RGS6: variants seen among roughly 807,000 people sequenced by gnomAD.
RGS6 encodes the protein regulator of G protein signaling 6.
A neutral mutation model predicts 78.5 loss-of-function variants in RGS6; 30 were observed. The observed-to-expected ratio is 0.38, with a 90% CI of 0.29 to 0.52. RGS6 has a LOEUF of 0.52. Ranked by LOEUF, RGS6 falls within the 20% of genes least tolerant of loss-of-function variation. The probability of loss-of-function intolerance (pLI) is 0.85; values close to 1 mark genes in which losing one functional copy is unlikely to be tolerated. For missense variants in RGS6, 495 were observed against 609.7 expected (o/e 0.81, Z 1.98); for synonymous variants, 206 against 206.0 (o/e 1.00, Z 0.00).
At chr14:72,588,997 G>C in the RGS6 span, among the ~76,000 whole-genome samples, 1 of 152,224 alleles carries the variant, frequency 6.6e-6, no homozygotes, top group African/African-American at 2.4e-5. Flanking sequence ...CTCCTTCGAA[G>C]AGTTGGGAAG....
intron 3 of RGS6, among the ~76,000 whole-genome samples, chr14:72,377,371 A>C (rs77175071): frequency 0.021 from 3,173 of 152,312 alleles, 53 homozygotes; most frequent in African/African-American, 0.048. Flanking sequence ...ATATACACTT[A>C]ACACTAGGGC....
At chr14:72,165,295 AC>A (rs1345642390) in intron 2 of RGS6, among the ~76,000 whole-genome samples, 1 of 152,196 alleles carries the variant, frequency 6.6e-6, no homozygotes, top group Admixed American at 6.5e-5. Flanking sequence ...GAGAACATCT[AC>A]CCAACAGGTG....
chr14:72,343,223 A>C (rs1008952466), intron 2 of RGS6, among the ~76,000 whole-genome samples: 1 of 152,232 alleles, frequency 6.6e-6, no homozygotes, highest in African/African-American at 2.4e-5. Flanking sequence ...AGTTGCTAGC[A>C]GGACTGTGTT....
chr14:72,517,528 G>A lies in RGS6; in HGVS notation c.1092-823G>A, dbSNP rs118185474. Among the ~76,000 whole-genome samples, 31 of 152,308 alleles carry A rather than the reference G, an allele frequency of 2.0e-4. 1 individual carries two copies. In the East Asian group the frequency reaches 6.0e-3, roughly 29 times the overall value. On this transcript the variant is annotated intron_variant, in intron 14 of 17. Coordinates refer to ENST00000553525, the MANE Select transcript of RGS6 (RefSeq NM_001204424.2). ...ATTAAACAGAGGCAAATACGGAAGT[G>A]AGCAGATTTTTCTCTCTTGCTCTCA...
At chr14:72,469,399 GT>G (rs1470576378) in intron 7 of RGS6, among the ~76,000 whole-genome samples, 8 of 152,072 alleles carry the variant, frequency 5.3e-5, no homozygotes, top group African/African-American at 1.9e-4. Flanking sequence ...TAGAGATGGG[GT>G]TTCACCCTGT....
intron 2 of RGS6, among the ~76,000 whole-genome samples, chr14:72,221,878 A>G (rs553091277): frequency 2.0e-5 from 3 of 152,182 alleles, no homozygotes; most frequent in African/African-American, 7.2e-5. Flanking sequence ...AATCCCATTA[A>G]CCCCACTTGT....
chr14:71,962,525 G>A (rs2093275016), intron 1 of RGS6, among the ~76,000 whole-genome samples: 1 of 152,180 alleles, frequency 6.6e-6, no homozygotes, highest in South Asian at 2.1e-4. Flanking sequence ...AGGCAAAGGA[G>A]TAGGCAACTA....
intron 3 of RGS6, chr14:72,421,102 T>G (rs1436380776): frequency 2.2e-5 from 3 of 137,678 alleles, no homozygotes; most frequent in Non-Finnish European, 4.7e-5. Flanking sequence ...TTTTTTTTTT[T>G]GTACCGATAA....
At position 72,459,618 on chromosome 14, in the gene RGS6, A is replaced by T; in HGVS notation, c.343-14A>T. On this transcript the variant is annotated splice_polypyrimidine_tract_variant and intron_variant, in intron 5 of 17. Transcript: ENST00000553525. ...GGCGCGCCCCTGAGCACTAACACCCATGCTCCTTTGCAGGCTCCGTACTTC... is the reference window on the plus strand; with the variant it reads ...GGCGCGCCCCTGAGCACTAACACCCTTGCTCCTTTGCAGGCTCCGTACTTC... 1 of 1,614,012 alleles carries T rather than the reference A, an allele frequency of 6.2e-7. No individual in the cohort carries two copies. Among genetic ancestry groups the T allele is most frequent in the Non-Finnish European group, 8.5e-7 (1 of 1,179,980 alleles).
chr14:72,624,423 C>T, the RGS6 span, among the ~76,000 whole-genome samples: 3 of 150,686 alleles, frequency 2.0e-5, no homozygotes, highest in Admixed American at 2.0e-4. Flanking sequence ...ACTGCAGCCT[C>T]CTTCTCCCGG....
At chr14:72,199,224 T>A (rs1261907954) in intron 2 of RGS6, among the ~76,000 whole-genome samples, 1 of 152,246 alleles carries the variant, frequency 6.6e-6, no homozygotes, top group Non-Finnish European at 1.5e-5. Context: ...TGACATTTTG[T>A]TTTTACATTA....
chr14:72,254,309 C>A (rs1011973013), intron 2 of RGS6, among the ~76,000 whole-genome samples: 1 of 152,212 alleles, frequency 6.6e-6, no homozygotes, highest in Non-Finnish European at 1.5e-5. Context: ...TGGACTCTTG[C>A]TTGATGATGA....
intron 13 of RGS6, among the ~76,000 whole-genome samples, chr14:72,508,113 A>T (rs2096831827): frequency 6.6e-6 from 1 of 152,020 alleles, no homozygotes; most frequent in African/African-American, 2.4e-5. Flanking sequence ...CCATTGTTTG[A>T]CCTGATGGGG....
In RGS6 at chr14:72,476,468, T is replaced by C. The variant is rs2074953; in HGVS notation, c.694-274T>C. Among the ~76,000 whole-genome samples, 57,000 of 152,120 alleles carry C rather than the reference T, an allele frequency of 0.37. 11,302 individuals are homozygous for C. The highest frequency in any genetic ancestry group is 0.73 in the East Asian group (3,758 of 5,180). On this transcript the variant is annotated intron_variant, in intron 10 of 17. Transcript: ENST00000553525. ...GCACACCCAGGTGATTCTTTGCAGG[T>C]GGTCTATGGACCATATTTGGAGAAA...
At chr14:71,949,077 A>G (rs2152987741) in intron 1 of RGS6, among the ~76,000 whole-genome samples, 1 of 151,288 alleles carries the variant, frequency 6.6e-6, no homozygotes, top group East Asian at 1.9e-4. Flanking sequence ...CTGTTGAGGG[A>G]CATTTGGGAT....
chr14:72,548,712 C>A lies in RGS6; in HGVS notation c.1422+8618C>A, dbSNP rs114588031. On this transcript the variant is annotated intron_variant, in intron 17 of 17. Transcript: ENST00000553525. ...AAGAGGCTGGAGTAAAAATGTCTAG[C>A]CCCCCAGCAGACTTGATGGCCACCG... is the stretch of plus-strand genomic sequence containing the variant. Among the ~76,000 whole-genome samples, 755 of 151,962 alleles carry A rather than the reference C, an allele frequency of 5.0e-3. 6 individuals are homozygous for A. Among genetic ancestry groups the A allele is most frequent in the African/African-American group, 0.017 (699 of 41,278 alleles).
chr14:72,021,848 AGTT>A (rs1254570463), intron 2 of RGS6, among the ~76,000 whole-genome samples: 3 of 151,626 alleles, frequency 2.0e-5, no homozygotes, highest in South Asian at 2.1e-4. Flanking sequence ...TGTCATGGGG[AGTT>A]GTTGTACAGA....
chr14:72,456,917 A>G (rs2095644810), intron 4 of RGS6, among the ~76,000 whole-genome samples: 1 of 151,262 alleles, frequency 6.6e-6, no homozygotes, highest in South Asian at 2.1e-4. Flanking sequence ...ACCTCTACCA[A>G]AAAAAATAAA....
intron 15 of RGS6, among the ~76,000 whole-genome samples, chr14:72,522,197 G>A (rs1235789741): frequency 6.6e-6 from 1 of 152,160 alleles, no homozygotes; most frequent in Non-Finnish European, 1.5e-5. Context: ...TTCCTGGCTT[G>A]CAGGTGGCCG....
Sources: gnomAD v4.1 joint callset for allele counts (sites outside exome capture counted in the v4.1 genomes callset) on GRCh38, gnomAD v4.1.1 for gene constraint, MANE v1.5 for transcripts, NCBI Gene and HGNC (gene_info 2026-07-23, HGNC 2026-07-21) for gene names.